ATF6: variants seen among roughly 807,000 people sequenced by gnomAD.
The protein encoded by ATF6 is cyclic AMP-dependent transcription factor ATF-6 alpha.
ATF6 carries 53 observed loss-of-function variants against 83.6 expected under a neutral mutation model. The ratio of observed to expected loss-of-function variants is 0.63; its 90% confidence interval spans 0.51 to 0.80. ATF6 has a LOEUF of 0.80. Among genes scored for constraint, ATF6 ranks in the 30% least tolerant of loss-of-function variants. The pLI, the probability that ATF6 is intolerant of heterozygous loss-of-function variation, is 0.00. For synonymous variants in ATF6, 288 were observed against 285.8 expected (o/e 1.01, Z -0.08); for missense variants, 744 against 797.9 (o/e 0.93, Z 0.81).
chr1:161,883,506 T>C (rs1180250431), intron 14 of ATF6, among the ~76,000 whole-genome samples: 2 of 152,032 alleles, frequency 1.3e-5, no homozygotes, highest in Non-Finnish European at 2.9e-5. Context: ...ATCACATTCA[T>C]TTGGATGGAT....
intron 7 of ATF6, among the ~76,000 whole-genome samples, chr1:161,812,682 G>A (rs1484771098): frequency 6.6e-5 from 10 of 152,144 alleles, no homozygotes; most frequent in Non-Finnish European, 1.3e-4. Context: ...GTGAGCCACC[G>A]CGCCCGGCCA....
rs1571241634 is a variant in ATF6, at chr1:161,926,154, G to C, written c.1804+13774G>C. Among the ~76,000 whole-genome samples the C allele has an allele frequency of 2.0e-5, 3 of 152,164 alleles. No homozygotes were observed. The Middle Eastern group carries it at 0.01, about 518-fold the overall frequency. On this transcript the variant is annotated intron_variant, in intron 15 of 15. Coordinates refer to ENST00000367942, the MANE Select transcript of ATF6 (RefSeq NM_007348.4). The stretch of plus-strand genomic sequence containing the variant: ...AGCAACATAAAAGATAGATGAGAGG[G>C]GATTATGCTTTTATAGGGACAACAG...
At chr1:161,907,461 T>C (rs1687898152) in intron 14 of ATF6, among the ~76,000 whole-genome samples, 1 of 152,208 alleles carries the variant, frequency 6.6e-6, no homozygotes, top group African/African-American at 2.4e-5. Flanking sequence ...GGTGTTACTA[T>C]TGGTCTGCTA....
At chr1:161,925,601 T>C (rs1375624598) in intron 15 of ATF6, among the ~76,000 whole-genome samples, 1 of 152,192 alleles carries the variant, frequency 6.6e-6, no homozygotes, top group African/African-American at 2.4e-5. Context: ...TCAGTAGTTA[T>C]CATCAACTTC....
chr1:161,882,607 G>A (rs1195809996), intron 14 of ATF6, among the ~76,000 whole-genome samples: 1 of 151,904 alleles, frequency 6.6e-6, no homozygotes, highest in Non-Finnish European at 1.5e-5. Flanking sequence ...GTAGTATTGT[G>A]CAGTCTTATT....
chr1:161,797,105 A>G (rs1392298032), intron 6 of ATF6, among the ~76,000 whole-genome samples: 1 of 152,126 alleles, frequency 6.6e-6, no homozygotes, highest in Non-Finnish European at 1.5e-5. Context: ...TGCATTTTAT[A>G]TGTTTTTACT....
At chr1:161,944,526 A>G (rs920267026) in intron 15 of ATF6, among the ~76,000 whole-genome samples, 1 of 152,224 alleles carries the variant, frequency 6.6e-6, no homozygotes, top group African/African-American at 2.4e-5. Flanking sequence ...TAAACTACAC[A>G]TGGGTATTTC....
chr1:161,819,264 A>G (rs1685691033), intron 7 of ATF6, among the ~76,000 whole-genome samples: 1 of 152,180 alleles, frequency 6.6e-6, no homozygotes, highest in South Asian at 2.1e-4. Flanking sequence ...AATTAATTGA[A>G]TATATGGTTC....
At chr1:161,940,559 C>CTTTTTTTTTTTT (rs71301060) in intron 15 of ATF6, among the ~76,000 whole-genome samples, 6 of 118,422 alleles carry the variant, frequency 5.1e-5, no homozygotes, top group Non-Finnish European at 8.6e-5. Context: ...TCCTTCAGAT[C>CTTTTTTTTTTTT]TTTTTTTTTT....
intron 14 of ATF6, among the ~76,000 whole-genome samples, chr1:161,865,803 C>T (rs1279195803): frequency 6.6e-6 from 1 of 151,992 alleles, no homozygotes; most frequent in Non-Finnish European, 1.5e-5. Flanking sequence ...AGATAACATC[C>T]TTTTTATTTT....
chr1:161,774,341 T>C (rs903730094), intron 1 of ATF6, among the ~76,000 whole-genome samples: 6 of 151,984 alleles, frequency 3.9e-5, no homozygotes, highest in African/African-American at 1.2e-4. Flanking sequence ...GAGGCTGTTA[T>C]AGCAATCCCC....
intron 6 of ATF6, among the ~76,000 whole-genome samples, chr1:161,796,431 G>C (rs991195129): frequency 5.3e-5 from 8 of 152,142 alleles, no homozygotes; most frequent in African/African-American, 1.9e-4. Context: ...TTAAGTCAGT[G>C]GTTCTCAGTC....
chr1:161,937,102 C>T (rs184329760), intron 15 of ATF6, among the ~76,000 whole-genome samples: 15 of 152,112 alleles, frequency 9.9e-5, no homozygotes, highest in Admixed American at 7.2e-4. Context: ...CTGTATTTAC[C>T]CTTACATTCT....
intron 14 of ATF6, among the ~76,000 whole-genome samples, chr1:161,907,500 G>A (rs528855313): frequency 1.2e-4 from 19 of 152,158 alleles, no homozygotes; most frequent in Non-Finnish European, 8.8e-5. Flanking sequence ...ATAGAGGTCT[G>A]TGTTGATCTG....
intron 15 of ATF6, among the ~76,000 whole-genome samples, chr1:161,955,946 T>C (rs1688958240): frequency 6.6e-6 from 1 of 152,166 alleles, no homozygotes; most frequent in African/African-American, 2.4e-5. Flanking sequence ...GGGCTTAAGA[T>C]GACAATGCCA....
chr1:161,791,621 ATTTATG>A, intron 5 of ATF6, 84 bp downstream of exon 5: 1 of 1,424,806 alleles, frequency 7.0e-7, no homozygotes. Context: ...GCTGGATTAA[ATTTATG>A]TTTATTAGGC....
intron 15 of ATF6, among the ~76,000 whole-genome samples, chr1:161,924,351 C>T (rs112404592): frequency 6.6e-6 from 1 of 152,134 alleles, no homozygotes; most frequent in Non-Finnish European, 1.5e-5. Context: ...TTGGGAAATA[C>T]TCCTTCTCTT....
intron 14 of ATF6, chr1:161,891,930 A>G (rs1687565576): frequency 6.6e-6 from 1 of 152,236 alleles, no homozygotes. Flanking sequence ...AGCTTTATAG[A>G]TAAATGTTGG....
chr1:161,917,146 A>G (rs1384657616), intron 15 of ATF6, among the ~76,000 whole-genome samples: 2 of 152,190 alleles, frequency 1.3e-5, no homozygotes, highest in Non-Finnish European at 2.9e-5. Context: ...ACATTAACTC[A>G]TGTCATGCTG....
Sources: gnomAD v4.1 joint callset for allele counts (sites outside exome capture counted in the v4.1 genomes callset) on GRCh38, gnomAD v4.1.1 for gene constraint, MANE v1.5 for transcripts, NCBI Gene and HGNC (gene_info 2026-07-23, HGNC 2026-07-21) for gene names.